The following RARB variants were observed in gnomAD, a reference collection of about 807,000 sequenced individuals.
RARB encodes the protein retinoic acid receptor beta, also known as HBV-activated protein.
A neutral mutation model predicts 51.9 loss-of-function variants in RARB; 17 were observed. The observed-to-expected ratio is 0.33, with a 90% confidence interval of 0.22 to 0.49. The LOEUF (loss-of-function observed/expected upper bound fraction) is 0.49. Ranked by LOEUF, RARB falls within the 20% of genes least tolerant of loss-of-function variation. RARB has a pLI of 0.99. For missense variants in RARB, 369 were observed against 550.8 expected, an observed-to-expected ratio of 0.67 and a Z score of 3.30; for synonymous variants, 215 against 195.4, an observed-to-expected ratio of 1.10 and a Z score of -0.84.
intron 2 of RARB, among the ~76,000 whole-genome samples, chr3:25,476,439 G>T (rs919844389): frequency 3.9e-5 from 6 of 151,956 alleles, no homozygotes; most frequent in African/African-American, 1.5e-4. Flanking sequence ...ACTCTTATTT[G>T]GCTGTGCCTT....
chr3:25,356,702 T>G (rs537636291), intron 5 of RARB, among the ~76,000 whole-genome samples: 1 of 152,006 alleles, frequency 6.6e-6, no homozygotes, highest in Admixed American at 6.6e-5. Context: ...GTATGATGTT[T>G]CCCTCCCTGG....
chr3:24,874,434 C>T (rs558390886), intron 2 of RARB, among the ~76,000 whole-genome samples: 4 of 151,966 alleles, frequency 2.6e-5, no homozygotes, highest in African/African-American at 9.6e-5. Context: ...CTTTCTTTAC[C>T]CATATAGTTG....
chr3:24,909,257 A>T (rs1014189691), intron 2 of RARB, among the ~76,000 whole-genome samples: 10 of 152,210 alleles, frequency 6.6e-5, no homozygotes, highest in African/African-American at 2.4e-4. Context: ...TAGGGCACTT[A>T]TCCATTCATT....
intron 2 of RARB, among the ~76,000 whole-genome samples, chr3:25,484,365 G>A (rs374013548): frequency 1.1e-4 from 16 of 152,114 alleles, no homozygotes; most frequent in African/African-American, 2.2e-4. Context: ...TTCTGAGACC[G>A]TGATGTTGAT....
At chr3:25,301,717 C>T (rs973485319) in intron 5 of RARB, among the ~76,000 whole-genome samples, 1 of 152,168 alleles carries the variant, frequency 6.6e-6, no homozygotes, top group Admixed American at 6.5e-5. Context: ...AGACCCTGTG[C>T]TCCTGTCCCT....
chr3:25,163,122 T>C (rs557882918), intron 4 of RARB, among the ~76,000 whole-genome samples: 10 of 152,340 alleles, frequency 6.6e-5, no homozygotes, highest in African/African-American at 2.2e-4. Context: ...GTGGGCTGAA[T>C]GTCCTATTAT....
rs1241384920 is a variant in RARB, at chr3:25,123,537, C to G, written c.-327-8624C>G. Among the ~76,000 whole-genome samples the G allele has an allele frequency of 3.3e-5, 5 of 152,182 alleles. No individual in the cohort carries two copies. The East Asian group carries it at 9.6e-4, about 29-fold the overall frequency. ...TATCAAAGCCACTTGAAATATTCCC[C>G]TGTGGGAGAAAAGCAACAGTTGTAT... On this transcript the variant is annotated intron_variant, in intron 3 of 11. Coordinates refer to the RARB transcript ENST00000383772.
chr3:24,925,826 C>G (rs1011568986), intron 2 of RARB, among the ~76,000 whole-genome samples: 3 of 151,992 alleles, frequency 2.0e-5, no homozygotes, highest in Non-Finnish European at 1.5e-5. Context: ...CAGAGTGTTT[C>G]AAGTTATTCT....
At chr3:25,104,486 T>C (rs1233621374) in intron 3 of RARB, among the ~76,000 whole-genome samples, 1 of 151,844 alleles carries the variant, frequency 6.6e-6, no homozygotes, top group Non-Finnish European at 1.5e-5. Context: ...CTACTGAAAA[T>C]ATAAAAATTT....
At chr3:25,023,745 G>A (rs140809237) in intron 2 of RARB, among the ~76,000 whole-genome samples, 169 of 152,262 alleles carry the variant, frequency 1.1e-3, no homozygotes, top group African/African-American at 3.9e-3. Flanking sequence ...CTTCTGTGAG[G>A]TTATCCAGTG....
intron 3 of RARB, among the ~76,000 whole-genome samples, chr3:25,098,738 A>T (rs1170803215): frequency 6.6e-6 from 1 of 152,180 alleles, no homozygotes; most frequent in Non-Finnish European, 1.5e-5. Flanking sequence ...AAATATTTAT[A>T]ATCTGGTCCT....
chr3:24,864,158 GCACA>G (rs1702806432), intron 2 of RARB, among the ~76,000 whole-genome samples: 1 of 152,156 alleles, frequency 6.6e-6, no homozygotes, highest in Admixed American at 6.6e-5. Context: ...CTGTGAGCAT[GCACA>G]CAGTCACTGA....
intron 5 of RARB, among the ~76,000 whole-genome samples, chr3:25,380,777 C>G (rs1247698648): frequency 6.6e-6 from 1 of 152,286 alleles, no homozygotes; most frequent in Non-Finnish European, 1.5e-5. Context: ...GTCTCCCTCC[C>G]CCTGCTAATT....
At chr3:25,220,096 A>G (rs1052604829) in intron 5 of RARB, among the ~76,000 whole-genome samples, 1 of 152,222 alleles carries the variant, frequency 6.6e-6, no homozygotes, top group Non-Finnish European at 1.5e-5. Context: ...ACTATTTAAC[A>G]TGTTTCATAA....
intron 5 of RARB, among the ~76,000 whole-genome samples, chr3:25,241,979 T>C (rs1483048561): frequency 6.6e-6 from 1 of 152,190 alleles, no homozygotes; most frequent in Non-Finnish European, 1.5e-5. Context: ...ATCTGTTGTT[T>C]CCTGACTTTT....
chr3:25,457,976 C>T (rs1222848699), intron 1 of RARB, among the ~76,000 whole-genome samples: 2 of 152,154 alleles, frequency 1.3e-5, no homozygotes, highest in African/African-American at 4.8e-5. Context: ...GAAGTAGAAG[C>T]ACACAAATCA....
intron 5 of RARB, among the ~76,000 whole-genome samples, chr3:25,592,297 G>A (rs1559483193): frequency 6.6e-6 from 1 of 152,180 alleles, no homozygotes; most frequent in South Asian, 2.1e-4. Flanking sequence ...CAAATTGAAT[G>A]CCATTATCTG....
intron 2 of RARB, among the ~76,000 whole-genome samples, chr3:24,940,229 A>G (rs934186845): frequency 2.6e-5 from 4 of 152,104 alleles, no homozygotes; most frequent in East Asian, 1.9e-4. Context: ...AAGGAGTTTC[A>G]TTTAACAATT....
chr3:24,988,075 G>C (rs1209712280), intron 2 of RARB, among the ~76,000 whole-genome samples: 3 of 152,024 alleles, frequency 2.0e-5, no homozygotes, highest in African/African-American at 4.8e-5. Flanking sequence ...TGAAACGCTT[G>C]CTAGATGTAA....
Sources: gnomAD v4.1 joint callset for allele counts (sites outside exome capture counted in the v4.1 genomes callset) on GRCh38, gnomAD v4.1.1 for gene constraint, MANE v1.5 for transcripts, NCBI Gene and HGNC (gene_info 2026-07-23, HGNC 2026-07-21) for gene names.